RARB: variants seen among roughly 807,000 people sequenced by gnomAD.
RARB encodes the protein retinoic acid receptor beta.
A neutral mutation model predicts 51.9 loss-of-function variants in RARB; 17 were observed. That is an observed-to-expected ratio of 0.33 (90% CI 0.22 to 0.49). RARB has a LOEUF of 0.49. Ranked by LOEUF, RARB falls within the 20% of genes least tolerant of loss-of-function variation. RARB has a pLI of 0.99. For synonymous variants in RARB, 215 were observed against 195.4 expected (o/e 1.10, Z -0.84); for missense variants, 369 against 550.8 (o/e 0.67, Z 3.30).
At chr3:24,851,893 C>T (rs991739670) in intron 1 of RARB, among the ~76,000 whole-genome samples, 1 of 152,190 alleles carries the variant, frequency 6.6e-6, no homozygotes. Flanking sequence ...TCAGAAAGAA[C>T]TGAATTTATT....
chr3:25,346,382 A>G (rs1244140701), intron 5 of RARB, among the ~76,000 whole-genome samples: 2 of 152,174 alleles, frequency 1.3e-5, no homozygotes, highest in Non-Finnish European at 2.9e-5. Flanking sequence ...ATCAGCCCCA[A>G]ATGCTTTCAG....
Position 25,195,970 on chromosome 3 carries a change from T to C in RARB, c.178+21395T>C, listed in dbSNP as rs73147310. On this transcript the variant is annotated intron_variant, in intron 5 of 11. Transcript: ENST00000383772. ...CTAATGCAAACAAGACTGGGAGTTT[T>C]GTGGTTATATTTGTTCCTCTGCTTC... Among the ~76,000 whole-genome samples, 3 of 152,166 alleles carry C rather than the reference T, an allele frequency of 2.0e-5. No homozygotes were observed. In the East Asian group the frequency reaches 5.8e-4, roughly 29 times the overall value.
chr3:25,539,985 G>T (rs527318035), intron 3 of RARB, among the ~76,000 whole-genome samples: 2 of 152,014 alleles, frequency 1.3e-5, no homozygotes, highest in East Asian at 3.9e-4. Context: ...CCAACTTCTC[G>T]TACACACAGG....
In RARB at chr3:25,483,792, C is replaced by T. The variant is rs61577743; in HGVS notation, c.307-17390C>T. 1.4e-3 allele frequency among the ~76,000 whole-genome samples: 220 copies of T among 152,134 alleles called. 1 individual carries two copies. Among genetic ancestry groups the T allele is most frequent in the African/African-American group, 5.0e-3 (208 of 41,496 alleles). On this transcript the variant is annotated intron_variant, in intron 2 of 7. Coordinates refer to ENST00000330688, the MANE Select transcript of RARB (RefSeq NM_000965.5). ...AATGGCTAATCTAGAGATTGTACTG[C>T]CATTTGCTGATAGAGCACAGTTTAA...
At chr3:25,006,350 A>T (rs1411778938) in intron 2 of RARB, among the ~76,000 whole-genome samples, 2 of 152,192 alleles carry the variant, frequency 1.3e-5, no homozygotes, top group African/African-American at 4.8e-5. Flanking sequence ...AAAAATTGCA[A>T]TATGATTCAT....
intron 1 of RARB, among the ~76,000 whole-genome samples, chr3:25,442,238 C>G (rs1031831420): frequency 6.6e-6 from 1 of 152,032 alleles, no homozygotes; most frequent in African/African-American, 2.4e-5. Flanking sequence ...CGTGTTCAAG[C>G]CATTCTCCTG....
At chr3:25,212,961 G>A (rs34445511) in intron 5 of RARB, among the ~76,000 whole-genome samples, 7,252 of 152,156 alleles carry the variant, frequency 0.048, 223 homozygotes, top group Non-Finnish European at 0.07. Flanking sequence ...TGAGCATTGC[G>A]GCACGTAATG....
intron 5 of RARB, among the ~76,000 whole-genome samples, chr3:25,406,401 T>G (rs1707409728): frequency 6.6e-6 from 1 of 152,202 alleles, no homozygotes; most frequent in African/African-American, 2.4e-5. Context: ...TGTATCACAG[T>G]GTTAGAGGCT....
intron 5 of RARB, among the ~76,000 whole-genome samples, chr3:25,268,010 T>G (rs1035659555): frequency 4.6e-5 from 7 of 152,220 alleles, no homozygotes; most frequent in Non-Finnish European, 8.8e-5. Context: ...ATATATTTCT[T>G]AAGTCATCAG....
intron 2 of RARB, among the ~76,000 whole-genome samples, chr3:25,003,884 T>A (rs1233965752): frequency 1.3e-5 from 2 of 152,124 alleles, no homozygotes; most frequent in African/African-American, 2.4e-5. Context: ...AATGATATGA[T>A]TTGACAGCAG....
intron 5 of RARB, among the ~76,000 whole-genome samples, chr3:25,184,953 C>A (rs954713905): frequency 6.6e-6 from 1 of 152,080 alleles, no homozygotes; most frequent in Non-Finnish European, 1.5e-5. Flanking sequence ...TTATTATTAT[C>A]CATGCTTTGC....
chr3:25,467,109 A>T (rs896571909), intron 2 of RARB, among the ~76,000 whole-genome samples: 1 of 152,062 alleles, frequency 6.6e-6, no homozygotes. Context: ...TTCCAATCAC[A>T]CTCAAATCCC....
intron 3 of RARB, among the ~76,000 whole-genome samples, chr3:25,104,502 G>A (rs1409459425): frequency 2.0e-5 from 3 of 152,082 alleles, no homozygotes; most frequent in African/African-American, 7.2e-5. Context: ...AATTTAGCTT[G>A]GCATAGCAGT....
chr3:24,974,477 G>T (rs189334542), intron 2 of RARB, among the ~76,000 whole-genome samples: 2 of 152,028 alleles, frequency 1.3e-5, no homozygotes, highest in Non-Finnish European at 1.5e-5. Context: ...GTCTTTCTTG[G>T]TTCCGATGTC....
chr3:24,851,588 G>A (rs949452588), intron 1 of RARB, among the ~76,000 whole-genome samples: 9 of 152,076 alleles, frequency 5.9e-5, no homozygotes, highest in South Asian at 2.1e-4. Context: ...AATCACAGGC[G>A]GGACTCCAGA....
intron 2 of RARB, among the ~76,000 whole-genome samples, chr3:24,933,776 C>G (rs540592230): frequency 5.7e-4 from 86 of 152,136 alleles, no homozygotes; most frequent in African/African-American, 2.0e-3. Flanking sequence ...TTTTTGTGAT[C>G]ACTTTTCCCA....
chr3:25,539,285 C>T (rs1286772), intron 3 of RARB, among the ~76,000 whole-genome samples: 3 of 152,028 alleles, frequency 2.0e-5, no homozygotes, highest in South Asian at 2.1e-4. Context: ...TCTATTTGAG[C>T]GAAGCAGGGA....
intron 2 of RARB, among the ~76,000 whole-genome samples, chr3:24,937,016 T>C (rs1471815660): frequency 2.0e-5 from 3 of 152,314 alleles, no homozygotes; most frequent in East Asian, 3.9e-4. Context: ...GAAGCTGTCA[T>C]GAGAAATAAA....
At chr3:24,903,263 T>C (rs544889614) in intron 2 of RARB, among the ~76,000 whole-genome samples, 2 of 150,196 alleles carry the variant, frequency 1.3e-5, no homozygotes, top group African/African-American at 5.0e-5. Flanking sequence ...AAATAGGAAA[T>C]AATAATCATA....
Sources: allele counts gnomAD v4.1 joint callset (sites outside exome capture counted in the v4.1 genomes callset), GRCh38; gene constraint gnomAD v4.1.1; transcripts MANE v1.5; gene names NCBI Gene and HGNC (gene_info 2026-07-23, HGNC 2026-07-21).